CNTNAP2: variants seen among roughly 807,000 people sequenced by gnomAD.
The protein encoded by CNTNAP2 is contactin-associated protein-like 2.
CNTNAP2 carries 98 observed loss-of-function variants against 155.2 expected under a neutral mutation model. That is an observed-to-expected ratio of 0.63 (90% CI 0.54 to 0.75). The LOEUF (loss-of-function observed/expected upper bound fraction) is 0.75. CNTNAP2 is among the 30% of genes least tolerant of loss of function. The pLI is 0.00. For missense variants in CNTNAP2, 1,727 were observed against 1,688.1 expected, an observed-to-expected ratio of 1.02 and a Z score of -0.40; for synonymous variants, 651 against 631.2, an observed-to-expected ratio of 1.03 and a Z score of -0.47.
chr7:147,100,637 C>T (rs1386676685), intron 4 of CNTNAP2, among the ~76,000 whole-genome samples: 1 of 152,168 alleles, frequency 6.6e-6, no homozygotes, highest in Non-Finnish European at 1.5e-5. Context: ...ATCAGACACT[C>T]ATAGTTGTAA....
chr7:147,849,880 A>C (rs1235188626), intron 13 of CNTNAP2: 1 of 152,256 alleles, frequency 6.6e-6, no homozygotes, highest in African/African-American at 2.4e-5. Flanking sequence ...GGAAGAGGCA[A>C]CCTGTCTATG....
At chr7:147,618,502 C>A (rs75018868) in intron 12 of CNTNAP2, among the ~76,000 whole-genome samples, 2,431 of 152,008 alleles carry the variant, frequency 0.016, 55 homozygotes, top group African/African-American at 0.055. Context: ...TACTTAGCTG[C>A]AAATACAGGT....
chr7:147,339,235 G>A (rs896297098), intron 9 of CNTNAP2, among the ~76,000 whole-genome samples: 22 of 152,084 alleles, frequency 1.4e-4, no homozygotes, highest in African/African-American at 4.3e-4. Flanking sequence ...CTATACATCA[G>A]TGTTGTGAGG....
rs771190422 is a variant in CNTNAP2, at chr7:146,776,295, T to C, written c.208+1914T>C. 7.6e-4 allele frequency among the ~76,000 whole-genome samples: 116 copies of C among 152,216 alleles called. 1 individual carries two copies. Among genetic ancestry groups the C allele is most frequent in the Middle Eastern group, 3.4e-3 (1 of 294 alleles). On this transcript the variant is annotated intron_variant, in intron 2 of 23. Transcript: ENST00000361727. ...GAGGAATGGAAGCAGAGTCAGAAAA[T>C]GTTACTTTCAAAAGTTTTGAGTGAA...
At chr7:147,002,178 C>A (rs1196075564) in intron 3 of CNTNAP2, among the ~76,000 whole-genome samples, 1 of 151,802 alleles carries the variant, frequency 6.6e-6, no homozygotes, top group African/African-American at 2.4e-5. Context: ...TTACTGTGAG[C>A]TATGTGTTTT....
chr7:148,225,264 G>A (rs1254261673), intron 19 of CNTNAP2, among the ~76,000 whole-genome samples: 1 of 152,150 alleles, frequency 6.6e-6, no homozygotes, highest in East Asian at 1.9e-4. Context: ...AAAAGGGAGG[G>A]CCTGGCCAAG....
At chr7:147,287,194 A>C (rs550938358) in intron 8 of CNTNAP2, among the ~76,000 whole-genome samples, 1 of 152,260 alleles carries the variant, frequency 6.6e-6, no homozygotes, top group Non-Finnish European at 1.5e-5. Context: ...ATTACTAAGA[A>C]GAAACATCAG....
intron 1 of CNTNAP2, among the ~76,000 whole-genome samples, chr7:146,179,433 A>G (rs1038730369): frequency 3.3e-5 from 5 of 152,186 alleles, no homozygotes; most frequent in African/African-American, 1.2e-4. Flanking sequence ...AAACTTTAGC[A>G]TTTAGTTCAC....
intron 1 of CNTNAP2, among the ~76,000 whole-genome samples, chr7:146,659,157 T>G (rs1800043211): frequency 1.3e-5 from 2 of 152,232 alleles, no homozygotes; most frequent in African/African-American, 4.8e-5. Context: ...TTTAGTTTTC[T>G]TATTCTCAGT....
At chr7:147,148,266 T>A (rs1801751773) in intron 8 of CNTNAP2, among the ~76,000 whole-genome samples, 1 of 150,170 alleles carries the variant, frequency 6.7e-6, no homozygotes, top group Non-Finnish European at 1.5e-5. Context: ...GGCGGGCGCC[T>A]GTAGTCCCAG....
chr7:147,972,698 A>G (rs368284184), intron 14 of CNTNAP2, among the ~76,000 whole-genome samples: 13 of 152,328 alleles, frequency 8.5e-5, no homozygotes, highest in East Asian at 1.9e-4. Context: ...TTTCCAATGT[A>G]CAAGCCCACT....
chr7:146,827,654 G>A (rs1362776488), intron 2 of CNTNAP2, among the ~76,000 whole-genome samples: 1 of 152,128 alleles, frequency 6.6e-6, no homozygotes, highest in South Asian at 2.1e-4. Context: ...TACTAAGAAT[G>A]CATGCCAGGG....
At chr7:148,376,835 A>G (rs1415739143) in intron 21 of CNTNAP2, among the ~76,000 whole-genome samples, 2 of 68,124 alleles carry the variant, frequency 2.9e-5, no homozygotes, top group African/African-American at 7.2e-5. Context: ...TGAGCAAGAC[A>G]TCACTGATCA....
intron 1 of CNTNAP2, among the ~76,000 whole-genome samples, chr7:146,147,332 C>T (rs1291333355): frequency 2.0e-5 from 3 of 152,074 alleles, no homozygotes; most frequent in South Asian, 2.1e-4. Flanking sequence ...ATTGGAGCCA[C>T]GCTGCACTAC....
At chr7:148,292,230 C>G (rs1037668356) in intron 21 of CNTNAP2, among the ~76,000 whole-genome samples, 2 of 152,048 alleles carry the variant, frequency 1.3e-5, no homozygotes, top group African/African-American at 4.8e-5. Context: ...CCCAGGAGGA[C>G]AAAGGGAAGA....
chr7:146,365,001 A>G (rs111250369), intron 1 of CNTNAP2, among the ~76,000 whole-genome samples: 4,575 of 152,302 alleles, frequency 0.03, 125 homozygotes, highest in African/African-American at 0.069. Flanking sequence ...CTTACTATAA[A>G]ATCCCAGGAG....
At chr7:148,098,609 A>G (rs571185039) in intron 15 of CNTNAP2, among the ~76,000 whole-genome samples, 1 of 152,192 alleles carries the variant, frequency 6.6e-6, no homozygotes, top group Admixed American at 6.5e-5. Context: ...GAGGCTGAGC[A>G]AGGAGGATCA....
At chr7:147,850,033 A>G (rs766253647) in intron 13 of CNTNAP2, 3 of 152,208 alleles carry the variant, frequency 2.0e-5, no homozygotes, top group Admixed American at 2.0e-4. Flanking sequence ...GCTTAATTAT[A>G]TGTATTACTG....
intron 2 of CNTNAP2, among the ~76,000 whole-genome samples, chr7:146,787,486 G>A (rs968675130): frequency 6.6e-6 from 1 of 152,238 alleles, no homozygotes; most frequent in African/African-American, 2.4e-5. Context: ...AAGGCTGCAC[G>A]TCTGGAGTTG....
Sources: gnomAD v4.1 joint callset for allele counts (sites outside exome capture counted in the v4.1 genomes callset) on GRCh38, gnomAD v4.1.1 for gene constraint, MANE v1.5 for transcripts, NCBI Gene and HGNC (gene_info 2026-07-23, HGNC 2026-07-21) for gene names.